The following ANK3 variants were observed in gnomAD, a reference collection of about 807,000 sequenced individuals.
ANK3 encodes the protein ankyrin 3.
ANK3 carries 57 observed loss-of-function variants against 370.9 expected under a neutral mutation model. The ratio of observed to expected loss-of-function variants is 0.15; its 90% CI spans 0.12 to 0.19. ANK3 has a LOEUF of 0.19. Ranked by LOEUF, ANK3 falls within the 10% of genes least tolerant of loss-of-function variation. The pLI, the probability that ANK3 is intolerant of heterozygous loss-of-function variation, is 1.00. For missense variants in ANK3, 4,439 were observed against 5,302.1 expected, an observed-to-expected ratio of 0.84 and a Z score of 5.06; for synonymous variants, 1,929 against 1,946.3, an observed-to-expected ratio of 0.99 and a Z score of 0.23.
intron 2 of ANK3, among the ~76,000 whole-genome samples, chr10:60,418,455 A>G (rs924327592): frequency 5.9e-5 from 9 of 152,064 alleles, no homozygotes; most frequent in African/African-American, 2.2e-4. Flanking sequence ...AGCTGCAGTT[A>G]TTGCATTATT....
chr10:60,591,517 G>C (rs2133293029), intron 2 of ANK3, among the ~76,000 whole-genome samples: 1 of 151,740 alleles, frequency 6.6e-6, no homozygotes, highest in East Asian at 1.9e-4. Flanking sequence ...CAGTTTGTAG[G>C]TTCCTCAAAA....
Position 60,203,004 on chromosome 10 carries a change from C to A in ANK3, c.1390G>T (p.Val464Leu). The A allele has an allele frequency of 6.2e-7, 1 of 1,608,594 alleles. No individual in the cohort carries two copies. Among genetic ancestry groups the A allele is most frequent in the Admixed American group, 1.7e-5 (1 of 59,902 alleles). ...TCCTTTGTTCAAAGAATACTTACCA[C>A]ATTGGTGGTGTTTGGTGAGGCTCCA... ...HHGASPNTTN[V>L]RGETALHMAA... Residue 464 changes from valine (V) to leucine (L), a missense_variant and splice_region_variant, in exon 12 of 44, where the codon GTG becomes TTG. This residue lies in a region of ANK3 where 227 missense variants were observed against 377.6 expected (regional missense o/e 0.60). Transcript: ENST00000280772.
At chr10:60,300,938 C>G (rs74335838) in intron 1 of ANK3, among the ~76,000 whole-genome samples, 4,817 of 152,002 alleles carry the variant, frequency 0.032, 277 homozygotes, top group African/African-American at 0.11. Context: ...CACACTCACA[C>G]AGACACACAT....
intron 2 of ANK3, among the ~76,000 whole-genome samples, chr10:60,485,069 C>A (rs2075315593): frequency 6.6e-6 from 1 of 151,990 alleles, no homozygotes; most frequent in Non-Finnish European, 1.5e-5. Flanking sequence ...AAAGAGTAAA[C>A]AGAATAAATG....
chr10:60,243,902 T>C (rs2097513969), intron 7 of ANK3, among the ~76,000 whole-genome samples: 1 of 152,200 alleles, frequency 6.6e-6, no homozygotes. Flanking sequence ...CTGTGAGCCA[T>C]GCTGGGATCA....
At chr10:60,085,996 G>A (rs1037454856) in intron 30 of ANK3, among the ~76,000 whole-genome samples, 13 of 152,238 alleles carry the variant, frequency 8.5e-5, no homozygotes, top group South Asian at 2.1e-4. Flanking sequence ...ATTAATTACC[G>A]AGGGTAAAAA....
chr10:60,138,864 G>T (rs755321304), intron 24 of ANK3, 100 bp downstream of exon 24: 96 of 1,465,442 alleles, frequency 6.6e-5, no homozygotes, highest in Non-Finnish European at 8.6e-5. Flanking sequence ...TTCATCCAAA[G>T]AACACATTTT....
upstream of ANK3, among the ~76,000 whole-genome samples, chr10:60,393,780 TAAC>T (rs2063160314): frequency 1.3e-5 from 2 of 152,160 alleles, no homozygotes; most frequent in Non-Finnish European, 1.5e-5. Flanking sequence ...CACAAACTAA[TAAC>T]AACATATGCG....
chr10:60,413,048 C>A (rs769692767), intron 2 of ANK3, among the ~76,000 whole-genome samples: 1 of 152,130 alleles, frequency 6.6e-6, no homozygotes, highest in Non-Finnish European at 1.5e-5. Context: ...ACAATAAAAC[C>A]TGACTTTACA....
chr10:60,658,072 A>G (rs534015273), intron 1 of ANK3, among the ~76,000 whole-genome samples: 2 of 148,082 alleles, frequency 1.4e-5, no homozygotes, highest in Admixed American at 1.3e-4. Flanking sequence ...TTTATTGCCA[A>G]TGTAATTGTA....
chr10:60,572,660 GC>G, intron 2 of ANK3: 3 of 1,444,256 alleles, frequency 2.1e-6, no homozygotes, highest in Non-Finnish European at 2.7e-6. Context: ...AGCAGCCGCT[GC>G]TTAAACCCAG....
At chr10:60,668,799 C>G (rs918765764) in intron 1 of ANK3, among the ~76,000 whole-genome samples, 2 of 152,136 alleles carry the variant, frequency 1.3e-5, no homozygotes, top group Non-Finnish European at 2.9e-5. Context: ...CGAGACCAGC[C>G]TGGCCAAGAC....
At chr10:60,081,441 A>G in intron 35 of ANK3, 1 of 399,330 alleles carries the variant, frequency 2.5e-6, no homozygotes, top group Non-Finnish European at 4.9e-6. Flanking sequence ...TCTATTTATT[A>G]CTATTGATGT....
rs189689321 is a variant in ANK3 at position 60,415,213 on chromosome 10, A to C, written c.97-135574T>G. 6.2e-4 allele frequency among the ~76,000 whole-genome samples: 95 copies of C among 152,228 alleles called. 1 individual carries two copies. Among genetic ancestry groups the C allele is most frequent in the Admixed American group, 4.6e-3 (70 of 15,278 alleles). On this transcript the variant is annotated intron_variant, in intron 2 of 43. Coordinates refer to the ANK3 transcript ENST00000373827. ...GGTAGAAAGAGACAGTCTGGCCTGG[A>C]GCTACTGAAAATCCTGCCTACAAGG...
At chr10:60,690,212 G>A (rs1420567489) in intron 1 of ANK3, among the ~76,000 whole-genome samples, 1 of 152,184 alleles carries the variant, frequency 6.6e-6, no homozygotes, top group Non-Finnish European at 1.5e-5. Flanking sequence ...GAGGCACCTG[G>A]TTCATCTCAT....
At position 60,027,695 on chromosome 10, in the gene ANK3, G is replaced by A. The variant is rs538205779; in HGVS notation, c.*2151C>T. ...TAGTGAGCACTCCAGTTTTAGTGAT[G>A]ATGATCACAGTTACTACTATCACTA... On this transcript the variant is annotated 3_prime_UTR_variant, in exon 44 of 44. Coordinates refer to ENST00000280772, the MANE Select transcript of ANK3 (RefSeq NM_020987.5). 2 of 152,296 alleles carry A rather than the reference G, an allele frequency of 1.3e-5. No individual in the cohort carries two copies. Among genetic ancestry groups the A allele is most frequent in the South Asian group, 4.1e-4 (2 of 4,820 alleles). The allele number at this position is 152,296 out of a possible 1,614,324, so 9.4% of individuals were successfully genotyped here.
chr10:60,156,695 C>T (rs2095339256), intron 23 of ANK3, among the ~76,000 whole-genome samples: 1 of 152,224 alleles, frequency 6.6e-6, no homozygotes, highest in Non-Finnish European at 1.5e-5. Flanking sequence ...ATCAAGGAGT[C>T]TGTAAGAGTT....
At chr10:60,411,652 G>A (rs2063562964) in intron 2 of ANK3, among the ~76,000 whole-genome samples, 1 of 152,070 alleles carries the variant, frequency 6.6e-6, no homozygotes, top group African/African-American at 2.4e-5. Flanking sequence ...GCACCACAGT[G>A]GACTAGAGAA....
intron 2 of ANK3, among the ~76,000 whole-genome samples, chr10:60,581,637 A>C (rs2077755488): frequency 6.6e-6 from 1 of 150,554 alleles, no homozygotes; most frequent in Non-Finnish European, 1.5e-5. Context: ...ATGGGGTTTC[A>C]TCATCTTGGC....
Sources: allele counts gnomAD v4.1 joint callset (sites outside exome capture counted in the v4.1 genomes callset), GRCh38; gene constraint gnomAD v4.1.1; regional missense constraint gnomAD v4.1.1; transcripts MANE v1.5; gene names NCBI Gene and HGNC (gene_info 2026-07-23, HGNC 2026-07-21).